Variants in SLC1A1 observed in about 807,000 individuals in gnomAD.
SLC1A1 encodes solute carrier family 1 member 1.
Under a neutral mutation model 53.3 loss-of-function variants are expected in SLC1A1, and 43 were observed. That is an observed-to-expected ratio of 0.81 (90% CI 0.63 to 1.04). The LOEUF (loss-of-function observed/expected upper bound fraction) is 1.04. SLC1A1 is among the 50% of genes least tolerant of loss of function. The pLI, the probability that SLC1A1 is intolerant of heterozygous loss-of-function variation, is 0.00. For missense variants in SLC1A1, 748 were observed against 664.9 expected, an observed-to-expected ratio of 1.12 and a Z score of -1.37; for synonymous variants, 307 against 243.2, an observed-to-expected ratio of 1.26 and a Z score of -2.44.
Position 4,490,600 on chromosome 9 carries a change from C to A in SLC1A1, c.-80C>A. 1 of 1,179,822 alleles carries A rather than the reference C, an allele frequency of 8.5e-7. No homozygotes were observed. The highest frequency in any genetic ancestry group is 1.2e-6 in the Non-Finnish European group (1 of 806,966). 73.1% of individuals were successfully genotyped at this position (1,179,822 alleles called of 1,614,324 possible). A position where few individuals can be genotyped will look rare whatever the true frequency, so the allele number is the denominator to read the frequency against. On this transcript the variant is annotated 5_prime_UTR_variant, in exon 1 of 12. Transcript: ENST00000262352. ...CCCTGTGCACCCGCATCTCGCCGCG[C>A]CGCCGAGCAGCCAGCAGTCCCCGGG...
Position 4,490,669 on chromosome 9 carries a change from C to G in SLC1A1, c.-11C>G, listed in dbSNP as rs1053939127. The G allele has an allele frequency of 1.9e-6, 3 of 1,610,698 alleles. No individual in the cohort carries two copies. The Admixed American group carries it at 5.0e-5, about 27-fold the overall frequency. The stretch of plus-strand genomic sequence containing the variant: ...CACGGCCGAGCCCAGCGCACAATAG[C>G]GGCGACAGCCATGGGGAAACCGGCG... On this transcript the variant is annotated 5_prime_UTR_variant, in exon 1 of 12. Coordinates refer to ENST00000262352, the MANE Select transcript of SLC1A1 (RefSeq NM_004170.6).
intron 1 of SLC1A1, among the ~76,000 whole-genome samples, chr9:4,493,625 A>G (rs1165637883): frequency 7.9e-5 from 12 of 152,254 alleles, no homozygotes. Flanking sequence ...GTCCCTGACC[A>G]GGTGCAGTGG....
In SLC1A1 at chr9:4,583,504, T is replaced by C. The variant is rs1821295002; in HGVS notation, c.1328+332T>C. Among the ~76,000 whole-genome samples the C allele has an allele frequency of 6.6e-6, 1 of 152,258 alleles. No homozygotes were observed. The highest frequency in any genetic ancestry group is 2.4e-5 in the African/African-American group (1 of 41,548). ...GAGCCATCCTGACCTATCCCAGCCC[T>C]GGTTCAGCATCATAGGCTCAGAACC... On this transcript the variant is annotated intron_variant, in intron 11 of 11. Coordinates refer to ENST00000262352, the MANE Select transcript of SLC1A1 (RefSeq NM_004170.6). This position sits in a 1 kb window ranked among gnomAD's most constrained non-coding sequence, Gnocchi z 4.6.
chr9:4,583,351 G>A lies in SLC1A1; in HGVS notation c.1328+179G>A, dbSNP rs550448973. On this transcript the variant is annotated intron_variant, in intron 11 of 11. Transcript: ENST00000262352. This position sits in a 1 kb window ranked among gnomAD's most constrained non-coding sequence, Gnocchi z 4.6. ...TGCCTAAAAATTAACTCCTCATAACGTGGAGCAGTGATTTTAAAAAGCCGG... is the reference window on the plus strand; with the variant it reads ...TGCCTAAAAATTAACTCCTCATAACATGGAGCAGTGATTTTAAAAAGCCGG... Among the ~76,000 whole-genome samples, 7 of 152,214 alleles carry A rather than the reference G, an allele frequency of 4.6e-5. No homozygotes were observed. Among genetic ancestry groups the A allele is most frequent in the African/African-American group, 9.6e-5 (4 of 41,532 alleles).
At chr9:4,510,542 G>A (rs1820967408) in intron 1 of SLC1A1, among the ~76,000 whole-genome samples, 2 of 152,176 alleles carry the variant, frequency 1.3e-5, no homozygotes, top group Non-Finnish European at 1.5e-5. Flanking sequence ...TTCCAGTACA[G>A]GGGTTTAATA....
At position 4,572,386 on chromosome 9, in the gene SLC1A1, G is replaced by A. The variant is rs755064741; in HGVS notation, c.765G>A (p.Met255Ile). 6 of 1,613,186 alleles carry A rather than the reference G, an allele frequency of 3.7e-6. No homozygotes were observed. Among genetic ancestry groups the A allele is most frequent in the South Asian group, 2.2e-5 (2 of 91,056 alleles). Residue 255 changes from methionine to isoleucine, a missense_variant and splice_region_variant, in exon 7 of 12, where the codon ATG (methionine) becomes ATA (isoleucine). By Grantham distance (10) the Met-to-Ile change is conservative. Transcript: ENST00000262352. ...CCATGAAAATCGTTCAGATCATCATGTGGTGAGCAGACACTGTTTAATGTC... is the reference window on the plus strand; with the variant it reads ...CCATGAAAATCGTTCAGATCATCATATGGTGAGCAGACACTGTTTAATGTC... ...DATMKIVQIIMCYMPLGILFL... is the reference protein window; with the variant it reads ...DATMKIVQIIICYMPLGILFL...
At chr9:4,551,521 C>T (rs1314055319) in intron 2 of SLC1A1, among the ~76,000 whole-genome samples, 4 of 152,186 alleles carry the variant, frequency 2.6e-5, no homozygotes, top group Non-Finnish European at 5.9e-5. Context: ...GTACAACTTG[C>T]TATTAAATGT....
intron 2 of SLC1A1, among the ~76,000 whole-genome samples, chr9:4,546,651 T>C (rs552361936): frequency 7.4e-4 from 112 of 152,336 alleles, no homozygotes; most frequent in Admixed American, 2.2e-3. Context: ...ATCTTCTCCA[T>C]ATCAAAGATT....
intron 10 of SLC1A1, among the ~76,000 whole-genome samples, chr9:4,576,968 G>A (rs1420885951): frequency 6.6e-6 from 1 of 152,210 alleles, no homozygotes; most frequent in African/African-American, 2.4e-5. Flanking sequence ...ATCACTCTGT[G>A]CTCAGTTTAC....
chr9:4,532,734 G>C (rs1230457384), intron 1 of SLC1A1, among the ~76,000 whole-genome samples: 1 of 152,102 alleles, frequency 6.6e-6, no homozygotes, highest in African/African-American at 2.4e-5. Context: ...TACTCCTCGA[G>C]AAGAGCAACT....
At chr9:4,571,705 T>TAAAC (rs1339104903) in intron 6 of SLC1A1, among the ~76,000 whole-genome samples, 1 of 151,550 alleles carries the variant, frequency 6.6e-6, no homozygotes, top group Non-Finnish European at 1.5e-5. Context: ...AATAAATAAA[T>TAAAC]AATCCTATTG....
intron 6 of SLC1A1, among the ~76,000 whole-genome samples, chr9:4,568,592 A>T (rs986005232): frequency 6.6e-6 from 1 of 151,870 alleles, no homozygotes; most frequent in Admixed American, 6.6e-5. Context: ...GTGGTGGCAC[A>T]TGCCTGTAGT....
intron 2 of SLC1A1, among the ~76,000 whole-genome samples, chr9:4,555,078 A>G (rs1470098405): frequency 6.6e-6 from 1 of 152,142 alleles, no homozygotes; most frequent in East Asian, 1.9e-4. Context: ...AGATCCTCCA[A>G]TTTATAGATG....
chr9:4,503,861 C>T (rs1820715332), intron 1 of SLC1A1, among the ~76,000 whole-genome samples: 1 of 148,464 alleles, frequency 6.7e-6, no homozygotes, highest in South Asian at 2.1e-4. Flanking sequence ...AGAATTAAAA[C>T]AGGTAAATCT....
At chr9:4,491,392 G>T (rs958099074) in intron 1 of SLC1A1, among the ~76,000 whole-genome samples, 2 of 152,238 alleles carry the variant, frequency 1.3e-5, no homozygotes, top group South Asian at 4.1e-4. Context: ...TCTGGGATGT[G>T]CCACTGTGGC....
At chr9:4,564,213 T>C in intron 3 of SLC1A1, 131 bp from the exon 4 acceptor site, 1 of 701,260 alleles carries the variant, frequency 1.4e-6, no homozygotes, top group Non-Finnish European at 2.6e-6. Context: ...CTCAGCATTT[T>C]GGCTGGACCT....
At position 4,502,759 on chromosome 9, in the gene SLC1A1, T is replaced by TTTTA. The variant is rs1428580869; in HGVS notation, c.91+11990_91+11991insTTAT. ...TAAACCTTGATACACCTACACCTAATTGGTAGTTAGAACCATACTTGGAGA... is the reference window on the plus strand; with the variant it reads ...TAAACCTTGATACACCTACACCTAATTTTATGGTAGTTAGAACCATACTTGGAGA... On this transcript the variant is annotated intron_variant, in intron 1 of 11. Transcript: ENST00000262352. Among the ~76,000 whole-genome samples, 21 of 151,918 alleles carry TTTTA rather than the reference T, an allele frequency of 1.4e-4. No homozygotes were observed. In the East Asian group the frequency reaches 3.9e-3, roughly 28 times the overall value.
At chr9:4,546,284 G>T (rs940677103) in intron 2 of SLC1A1, among the ~76,000 whole-genome samples, 3 of 152,158 alleles carry the variant, frequency 2.0e-5, no homozygotes, top group Non-Finnish European at 4.4e-5. Context: ...GAAATGCCTG[G>T]TTCCTTTTAA....
At chr9:4,507,576 G>C (rs1279248037) in intron 1 of SLC1A1, among the ~76,000 whole-genome samples, 1 of 152,194 alleles carries the variant, frequency 6.6e-6, no homozygotes, top group South Asian at 2.1e-4. Flanking sequence ...AATGTTAAGA[G>C]AGAAGGGTGA....
Sources: gnomAD v4.1 joint callset for allele counts (sites outside exome capture counted in the v4.1 genomes callset) on GRCh38, gnomAD v4.1.1 for gene constraint, Gnocchi (gnomAD v3.1) non-coding constraint, MANE v1.5 for transcripts, NCBI Gene and HGNC (gene_info 2026-07-23, HGNC 2026-07-21) for gene names.